NHSL1: variants seen among roughly 807,000 people sequenced by gnomAD.
NHSL1 encodes NHS like 1, also known as NHS-like protein 1.
Under a neutral mutation model 95.0 loss-of-function variants are expected in NHSL1, and 48 were observed. The observed-to-expected ratio is 0.51, with a 90% confidence interval of 0.40 to 0.64. The LOEUF (loss-of-function observed/expected upper bound fraction) is 0.64, where lower values mean the gene tolerates loss of function less well. Ranked by LOEUF, NHSL1 falls within the 30% of genes least tolerant of loss-of-function variation. NHSL1 has a pLI of 0.00. For missense variants in NHSL1, 1,971 were observed against 2,077.7 expected (o/e 0.95, Z 1.00); for synonymous variants, 783 against 833.9 (o/e 0.94, Z 1.05).
chr6:138,519,045 AATAAATAC>A (rs1466954448), intron 1 of NHSL1, among the ~76,000 whole-genome samples: 1 of 151,940 alleles, frequency 6.6e-6, no homozygotes, highest in Non-Finnish European at 1.5e-5. Context: ...TAAATAAATA[AATAAATAC>A]ATACATACAT....
intron 4 of NHSL1, among the ~76,000 whole-genome samples, chr6:138,445,191 T>C (rs993332835): frequency 4.6e-5 from 7 of 152,312 alleles, no homozygotes; most frequent in Non-Finnish European, 8.8e-5. Context: ...AGATAATGCA[T>C]TTCACCTTAA....
chr6:138,553,712 C>T (rs186296282), intron 1 of NHSL1, among the ~76,000 whole-genome samples: 423 of 152,242 alleles, frequency 2.8e-3, no homozygotes, highest in Middle Eastern at 6.8e-3. Context: ...CTACACATGA[C>T]GGTATTAAAA....
At chr6:138,457,123 C>T (rs956224016) in intron 3 of NHSL1, among the ~76,000 whole-genome samples, 1 of 152,112 alleles carries the variant, frequency 6.6e-6, no homozygotes, top group African/African-American at 2.4e-5. Flanking sequence ...TCAAGGGATC[C>T]GCCTGCCTCA....
intron 1 of NHSL1, among the ~76,000 whole-genome samples, chr6:138,668,351 A>G (rs111393567): frequency 0.087 from 13,244 of 152,070 alleles, 677 homozygotes; most frequent in African/African-American, 0.14. Context: ...GATGAGGCAG[A>G]AGAATCGCTT....
At chr6:138,437,445 CAAAAA>C (rs1202687511) in intron 5 of NHSL1, among the ~76,000 whole-genome samples, 701 of 61,802 alleles carry the variant, frequency 0.011, 28 homozygotes, top group African/African-American at 0.042. Flanking sequence ...CACACACACA[CAAAAA>C]AAAAAAAAAA....
chr6:138,572,540 C>G (rs1783878797), exon 1 of NHSL1: 1 of 152,388 alleles, frequency 6.6e-6, no homozygotes, highest in South Asian at 2.1e-4. Context: ...GTGAAGCGCT[C>G]GTTCAGAGCC....
At chr6:138,650,471 G>T in intron 1 of NHSL1, 1 of 985,582 alleles carries the variant, frequency 1.0e-6, no homozygotes, top group Non-Finnish European at 1.6e-6. Flanking sequence ...GGATGGCCAG[G>T]GCCTGGTGGA....
intron 3 of NHSL1, among the ~76,000 whole-genome samples, chr6:138,454,342 C>T (rs572047768): frequency 4.3e-4 from 66 of 152,272 alleles, no homozygotes; most frequent in African/African-American, 1.5e-3. Context: ...GTATACATTC[C>T]ACTCCAGTAC....
At chr6:138,483,330 A>T (rs959568080) in intron 2 of NHSL1, among the ~76,000 whole-genome samples, 6 of 152,256 alleles carry the variant, frequency 3.9e-5, no homozygotes, top group Admixed American at 2.0e-4. Flanking sequence ...ACACTCGCCA[A>T]GCGAATAACT....
At chr6:138,630,944 A>G (rs974023656) in intron 1 of NHSL1, among the ~76,000 whole-genome samples, 10 of 152,200 alleles carry the variant, frequency 6.6e-5, no homozygotes, top group Non-Finnish European at 1.3e-4. Context: ...TTTTAACTTC[A>G]TATCAGCAGA....
intron 1 of NHSL1, among the ~76,000 whole-genome samples, chr6:138,510,580 T>C (rs1018795771): frequency 1.3e-5 from 2 of 152,180 alleles, no homozygotes; most frequent in African/African-American, 4.8e-5. Flanking sequence ...TTAGAATTAA[T>C]GGCAGAAGTG....
chr6:138,438,552 A>G (rs1483204127), intron 5 of NHSL1, among the ~76,000 whole-genome samples: 1 of 152,226 alleles, frequency 6.6e-6, no homozygotes, highest in African/African-American at 2.4e-5. Context: ...AACTACAAAA[A>G]GACAACTACA....
chr6:138,604,325 T>C (rs755910911), intron 1 of NHSL1, among the ~76,000 whole-genome samples: 11 of 152,214 alleles, frequency 7.2e-5, no homozygotes, highest in Non-Finnish European at 1.6e-4. Flanking sequence ...TGAAAAGCCA[T>C]GTATGAGAAG....
In NHSL1 at chr6:138,648,773, T is replaced by G. The variant is rs562206437; in HGVS notation, c.96+43703A>C. ...GATCATAAGAGCAATTTATATTCCATCTTCAGAACTTATACTGTATTCCTG... is the reference window on the plus strand; with the variant it reads ...GATCATAAGAGCAATTTATATTCCAGCTTCAGAACTTATACTGTATTCCTG... On this transcript the variant is annotated intron_variant, in intron 1 of 3. Transcript: ENST00000491526. 7.2e-5 allele frequency among the ~76,000 whole-genome samples: 11 copies of G among 152,256 alleles called. No individual in the cohort carries two copies. In the South Asian group the frequency reaches 2.1e-3, roughly 29 times the overall value.
At chr6:138,516,321 C>T (rs1781459537) in intron 1 of NHSL1, among the ~76,000 whole-genome samples, 1 of 152,168 alleles carries the variant, frequency 6.6e-6, no homozygotes, top group Non-Finnish European at 1.5e-5. Context: ...GCTGAGAGAG[C>T]TATGCCTGGG....
chr6:138,567,583 C>T (rs1003777861), intron 1 of NHSL1, among the ~76,000 whole-genome samples: 1 of 152,030 alleles, frequency 6.6e-6, no homozygotes, highest in African/African-American at 2.4e-5. Flanking sequence ...CATTAGTAAT[C>T]TAATTATGTG....
chr6:138,612,452 A>G (rs887403271), intron 1 of NHSL1, among the ~76,000 whole-genome samples: 97 of 152,330 alleles, frequency 6.4e-4, no homozygotes, highest in African/African-American at 2.2e-3. Context: ...GTATGTAATA[A>G]CCTTCAAGAT....
chr6:138,432,083 G>C lies in NHSL1; in HGVS notation c.2262C>G (p.Pro754=). 1 of 1,551,614 alleles carries C rather than the reference G, an allele frequency of 6.4e-7. No individual in the cohort carries two copies. The highest frequency in any genetic ancestry group is 1.2e-5 in the South Asian group (1 of 84,060). ...AGSSMTSATT[P]NVYSLCGATP... is the part of the protein sequence containing the mutation. ...TGGCCCCGCACAGGGAGTAGACATT[G>C]GGGGTGGTGGCGGAAGTCATGCTGC... The change falls in exon 6 of 8, where the codon CCC becomes CCG. Residue 754 remains proline, a synonymous_variant. Transcript: ENST00000343505. This position sits in a 1 kb window ranked among gnomAD's most constrained non-coding sequence, Gnocchi z 4.4.
At chr6:138,664,206 C>T (rs1785265610) in intron 1 of NHSL1, among the ~76,000 whole-genome samples, 1 of 152,202 alleles carries the variant, frequency 6.6e-6, no homozygotes, top group African/African-American at 2.4e-5. Context: ...TTTTTGGTCA[C>T]ATTTACTTTA....
Sources: allele counts gnomAD v4.1 joint callset (sites outside exome capture counted in the v4.1 genomes callset), GRCh38; gene constraint gnomAD v4.1.1; non-coding constraint Gnocchi (gnomAD v3.1); transcripts MANE v1.5; gene names NCBI Gene and HGNC (gene_info 2026-07-23, HGNC 2026-07-21).